Variants in EIF4G3 observed in about 807,000 individuals in gnomAD.
EIF4G3 encodes the protein eukaryotic translation initiation factor 4 gamma 3.
A neutral mutation model predicts 186.4 loss-of-function variants in EIF4G3; 34 were observed. The observed-to-expected ratio is 0.18, with a 90% CI of 0.14 to 0.24. The LOEUF (loss-of-function observed/expected upper bound fraction) is 0.24, where lower values mean the gene tolerates loss of function less well. EIF4G3 is among the 10% of genes least tolerant of loss of function. The pLI is 1.00. For missense variants in EIF4G3, 1,536 were observed against 1,948.5 expected (o/e 0.79, Z 3.99); for synonymous variants, 673 against 679.5 (o/e 0.99, Z 0.15).
At chr1:21,100,584 C>A (rs1413632992) in intron 2 of EIF4G3, among the ~76,000 whole-genome samples, 1 of 152,038 alleles carries the variant, frequency 6.6e-6, no homozygotes, top group Non-Finnish European at 1.5e-5. Flanking sequence ...TATGGCTTGC[C>A]AAGCACAGTT....
Position 20,980,362 on chromosome 1 carries a change from T to C in EIF4G3, c.465A>G (p.Pro155=). The change falls in exon 10 of 37, where the codon CCA becomes CCG. Residue 155 remains proline, a synonymous_variant. Coordinates refer to ENST00000602326, the MANE Select transcript of EIF4G3 (RefSeq NM_001391906.1). The part of the protein sequence containing the change: ...PPGPGPFYPG[P]GPGDFPNAYG... ...AAGCATTGGGGAAGTCCCCAGGTCC[T>C]GGTCCAGGATAAAAAGGACCTGGCC... 1 of 1,550,564 alleles carries C rather than the reference T, an allele frequency of 6.4e-7. No homozygotes were observed. Among genetic ancestry groups the C allele is most frequent in the Non-Finnish European group, 8.6e-7 (1 of 1,159,526 alleles).
At chr1:21,136,798 G>T (rs1458961694) in intron 2 of EIF4G3, among the ~76,000 whole-genome samples, 8 of 152,102 alleles carry the variant, frequency 5.3e-5, no homozygotes, top group Admixed American at 5.2e-4. Flanking sequence ...ACAGAAAACA[G>T]TATTTACACT....
intron 28 of EIF4G3, 25 bp downstream of exon 28, chr1:20,851,227 AATCTGC>A: frequency 6.2e-7 from 1 of 1,601,676 alleles, no homozygotes; most frequent in Admixed American, 1.7e-5. Context: ...TTAAAACCCA[AATCTGC>A]ATCTGTTTAA....
chr1:21,028,307 A>AT (rs2092386132), intron 4 of EIF4G3, among the ~76,000 whole-genome samples: 2 of 152,178 alleles, frequency 1.3e-5, no homozygotes, highest in South Asian at 2.1e-4. Flanking sequence ...TTTTAACACA[A>AT]TTTTTTAAAT....
At chr1:21,068,893 A>T (rs759936988) in intron 3 of EIF4G3, among the ~76,000 whole-genome samples, 1 of 152,180 alleles carries the variant, frequency 6.6e-6, no homozygotes, top group Non-Finnish European at 1.5e-5. Context: ...AGCACCCCCA[A>T]TCTGAAAATC....
intron 3 of EIF4G3, among the ~76,000 whole-genome samples, chr1:21,066,904 T>C (rs2095263215): frequency 6.6e-6 from 1 of 152,236 alleles, no homozygotes. Context: ...ACATATACTT[T>C]GTAAAATTGC....
intron 2 of EIF4G3, among the ~76,000 whole-genome samples, chr1:21,104,709 T>A (rs771453857): frequency 1.3e-5 from 2 of 152,226 alleles, no homozygotes; most frequent in African/African-American, 4.8e-5. Context: ...AATCCCATTA[T>A]TGGGTATATA....
intron 4 of EIF4G3, among the ~76,000 whole-genome samples, chr1:21,032,954 G>A (rs1332692471): frequency 1.3e-5 from 2 of 152,076 alleles, no homozygotes; most frequent in Non-Finnish European, 2.9e-5. Flanking sequence ...ATACAATGAC[G>A]GACTGCTTCT....
intron 4 of EIF4G3, among the ~76,000 whole-genome samples, chr1:21,023,907 G>A (rs1399573588): frequency 7.4e-6 from 1 of 134,794 alleles, no homozygotes; most frequent in East Asian, 2.1e-4. Context: ...CCTCTGCCCC[G>A]CCGCCCCATC....
chr1:21,044,446 A>T (rs2093758213), intron 4 of EIF4G3, among the ~76,000 whole-genome samples: 1 of 152,080 alleles, frequency 6.6e-6, no homozygotes, highest in South Asian at 2.1e-4. Context: ...TGCTTTTTTT[A>T]AATTAAATTC....
chr1:20,853,706 T>A (rs778157329), intron 26 of EIF4G3, 29 bp from the exon 27 acceptor site: 2 of 1,514,654 alleles, frequency 1.3e-6, no homozygotes, highest in Non-Finnish European at 1.8e-6. Context: ...TAGAAAAAAA[T>A]ACAAATCACA....
At chr1:20,847,316 C>G (rs2071458305) in intron 29 of EIF4G3, among the ~76,000 whole-genome samples, 1 of 152,162 alleles carries the variant, frequency 6.6e-6, no homozygotes, top group Admixed American at 6.5e-5. Context: ...AACCATATTG[C>G]AGGCACAGTT....
In EIF4G3 at chr1:20,811,093, G is replaced by T. The variant is rs564570598; in HGVS notation, c.4598-209C>A. ...GCCTCCCAAGTTGTTGGGACTACAG[G>T]CGCCTGCTCCCAGGCCTGACTAATT... On this transcript the variant is annotated intron_variant, in intron 35 of 36. Transcript: ENST00000602326. Among the ~76,000 whole-genome samples, 4 of 152,030 alleles carry T rather than the reference G, an allele frequency of 2.6e-5. No individual in the cohort carries two copies. In the East Asian group the frequency reaches 7.7e-4, roughly 29 times the overall value.
In EIF4G3 at chr1:20,942,254, T is replaced by G. The variant is rs2095746193; in HGVS notation, c.900A>C (p.Lys300Asn). The G allele has an allele frequency of 1.2e-6, 2 of 1,613,910 alleles. No individual in the cohort carries two copies. The highest frequency in any genetic ancestry group is 1.3e-5 in the African/African-American group (1 of 74,940). ...VLRLVLSGEKKEQEGQTSETT... is the reference protein window; with the variant it reads ...VLRLVLSGEKNEQEGQTSETT... ...TTTCAGATGTCTGGCCTTCTTGTTC[T>G]TTCTTCTCTCCACTGAGGACTAGCC... Residue 300 changes from lysine (K) to asparagine (N), a missense_variant, in exon 14 of 37, where the codon AAA becomes AAC. Transcript: ENST00000602326.
chr1:20,940,428 A>G (rs932559594), intron 14 of EIF4G3, among the ~76,000 whole-genome samples: 1 of 152,178 alleles, frequency 6.6e-6, no homozygotes, highest in African/African-American at 2.4e-5. Flanking sequence ...GACACTGATG[A>G]GGAAATTGTC....
intron 12 of EIF4G3, among the ~76,000 whole-genome samples, chr1:20,960,027 A>T (rs1350787517): frequency 6.6e-6 from 1 of 152,194 alleles, no homozygotes; most frequent in Non-Finnish European, 1.5e-5. Flanking sequence ...TGATCCAGCA[A>T]CCCCACTACT....
chr1:20,894,895 G>C (rs2087421514), intron 17 of EIF4G3, among the ~76,000 whole-genome samples: 1 of 152,088 alleles, frequency 6.6e-6, no homozygotes, highest in Non-Finnish European at 1.5e-5. Flanking sequence ...TCAATCACTG[G>C]AGGTATCTAT....
rs201372176 is a variant in EIF4G3 at position 20,865,247 on chromosome 1, C to T, written c.2638G>A (p.Ala880Thr). The T allele has an allele frequency of 3.1e-5, 50 of 1,613,580 alleles. No homozygotes were observed. Among genetic ancestry groups the T allele is most frequent in the Middle Eastern group, 3.3e-4 (2 of 6,076 alleles). Residue 880 changes from alanine to threonine, a missense_variant, in exon 21 of 37, where the codon GCA becomes ACA. This residue lies in a region of EIF4G3 where 77 missense variants were observed against 131.6 expected (regional missense o/e 0.59). Transcript: ENST00000602326. ...TTCACTGTGTTACCAGGCTTGTCTG[C>T]CATGGGTACTTTCAGCTACATCCAG... ...RCLVTLKVPM[A>T]DKPGNTVNFR...
At chr1:20,844,725 G>A (rs1410460130) in intron 29 of EIF4G3, among the ~76,000 whole-genome samples, 5 of 151,956 alleles carry the variant, frequency 3.3e-5, no homozygotes, top group African/African-American at 9.6e-5. Context: ...CCAGCTACTC[G>A]GGAGGCTGAG....
Sources: allele counts gnomAD v4.1 joint callset (sites outside exome capture counted in the v4.1 genomes callset), GRCh38; gene constraint gnomAD v4.1.1; regional missense constraint gnomAD v4.1.1; transcripts MANE v1.5; gene names NCBI Gene and HGNC (gene_info 2026-07-23, HGNC 2026-07-21).